CALCRL: variants seen among roughly 807,000 people sequenced by gnomAD.
CALCRL encodes the protein calcitonin receptor like receptor, also known as calcitonin gene-related peptide type 1 receptor.
A neutral mutation model predicts 60.4 loss-of-function variants in CALCRL; 27 were observed. The ratio of observed to expected loss-of-function variants is 0.45; its 90% CI spans 0.33 to 0.62. CALCRL has a LOEUF of 0.62. Ranked by LOEUF, CALCRL falls within the 20% of genes least tolerant of loss-of-function variation. The pLI is 0.03. For missense variants in CALCRL, 424 were observed against 540.7 expected (o/e 0.78, Z 2.14); for synonymous variants, 190 against 182.6 (o/e 1.04, Z -0.33).
intron 1 of CALCRL, among the ~76,000 whole-genome samples, chr2:187,410,595 C>T (rs1417678365): frequency 1.3e-5 from 2 of 152,188 alleles, no homozygotes; most frequent in Non-Finnish European, 2.9e-5. Context: ...CTGTTTTAGA[C>T]AGTGGAGGAA....
At chr2:187,407,917 A>G (rs1689203561) in intron 1 of CALCRL, among the ~76,000 whole-genome samples, 1 of 152,120 alleles carries the variant, frequency 6.6e-6, no homozygotes, top group South Asian at 2.1e-4. Context: ...TGGTGCATTA[A>G]GCTTTGCTAA....
At chr2:187,440,087 A>G (rs944014484) in intron 1 of CALCRL, among the ~76,000 whole-genome samples, 2 of 152,134 alleles carry the variant, frequency 1.3e-5, no homozygotes, top group Non-Finnish European at 2.9e-5. Flanking sequence ...ATAAAATTAT[A>G]TGATGCACAA....
At chr2:187,437,458 A>G (rs1000769258) in intron 1 of CALCRL, among the ~76,000 whole-genome samples, 3 of 152,114 alleles carry the variant, frequency 2.0e-5, no homozygotes, top group African/African-American at 4.8e-5. Flanking sequence ...ATTTATGTAA[A>G]GTTTATCTTA....
At chr2:187,427,696 A>C (rs965061040) in intron 1 of CALCRL, among the ~76,000 whole-genome samples, 1 of 152,158 alleles carries the variant, frequency 6.6e-6, no homozygotes, top group Non-Finnish European at 1.5e-5. Context: ...AAATGTTATC[A>C]GGTGCTCAAA....
At chr2:187,413,365 A>T (rs561665746) in intron 1 of CALCRL, among the ~76,000 whole-genome samples, 2 of 152,318 alleles carry the variant, frequency 1.3e-5, no homozygotes, top group Admixed American at 1.3e-4. Flanking sequence ...TGTGATAATT[A>T]TCAGCTGTTA....
intron 1 of CALCRL, among the ~76,000 whole-genome samples, chr2:187,439,751 T>C (rs1204333676): frequency 2.6e-5 from 4 of 152,170 alleles, no homozygotes; most frequent in Admixed American, 2.0e-4. Flanking sequence ...TTTATGCTAG[T>C]TGAAAGAAAC....
At chr2:187,391,596 C>CT (rs1688449249) in intron 1 of CALCRL, among the ~76,000 whole-genome samples, 1 of 152,088 alleles carries the variant, frequency 6.6e-6, no homozygotes, top group African/African-American at 2.4e-5. Flanking sequence ...TCTTCAAGAG[C>CT]TGCTAGTCTC....
At chr2:187,386,205 T>C (rs1688201117) in intron 3 of CALCRL, among the ~76,000 whole-genome samples, 2 of 152,100 alleles carry the variant, frequency 1.3e-5, no homozygotes, top group Non-Finnish European at 2.9e-5. Context: ...GATCAAATTA[T>C]AAAGGTATTA....
intron 1 of CALCRL, among the ~76,000 whole-genome samples, chr2:187,390,646 A>C (rs1263521769): frequency 6.6e-6 from 1 of 152,192 alleles, no homozygotes; most frequent in Non-Finnish European, 1.5e-5. Context: ...AAAAGTATTC[A>C]ACTCACAAAA....
intron 1 of CALCRL, among the ~76,000 whole-genome samples, chr2:187,413,395 G>A (rs1389982024): frequency 1.3e-5 from 2 of 151,982 alleles, no homozygotes; most frequent in African/African-American, 4.8e-5. Flanking sequence ...CCTTGTAAGT[G>A]AATCACTATT....
At position 187,342,284 on chromosome 2, in the gene CALCRL, T is replaced by G. The variant is rs1686120251; in HGVS notation, c.*3900A>C. ...AAGTGATGGCTAAAGGATACACTGT[T>G]TCTTCTCAAGGTCATAAAAATGTAA... On this transcript the variant is annotated 3_prime_UTR_variant, in exon 15 of 15. Transcript: ENST00000392370. 6.6e-6 allele frequency among the ~76,000 whole-genome samples: 1 copy of G among 151,764 alleles called. No homozygotes were observed. Among genetic ancestry groups the G allele is most frequent in the Non-Finnish European group, 1.5e-5 (1 of 67,738 alleles).
At chr2:187,437,226 A>G (rs1009105407) in intron 1 of CALCRL, among the ~76,000 whole-genome samples, 6 of 152,178 alleles carry the variant, frequency 3.9e-5, no homozygotes, top group Non-Finnish European at 8.8e-5. Context: ...GTTAAATTCA[A>G]TTTTAAAAAC....
Position 187,345,963 on chromosome 2 carries a change from T to C in CALCRL, c.*221A>G. On this transcript the variant is annotated 3_prime_UTR_variant, in exon 15 of 15. Coordinates refer to ENST00000392370, the MANE Select transcript of CALCRL (RefSeq NM_005795.6). ...GTTAGTAGCGTCACATCAGGCATAGTGGGAGTATTTACTGACAAACATTAC... is the reference window on the plus strand; with the variant it reads ...GTTAGTAGCGTCACATCAGGCATAGCGGGAGTATTTACTGACAAACATTAC... 2.4e-6 allele frequency: 1 copy of C among 421,126 alleles called. No individual in the cohort carries two copies. Among genetic ancestry groups the C allele is most frequent in the Non-Finnish European group, 4.2e-6 (1 of 236,370 alleles). The allele number at this position is 421,126 out of a possible 1,614,324, so 26.1% of individuals were successfully genotyped here. A position where few individuals can be genotyped will look rare whatever the true frequency, so the allele number is the denominator to read the frequency against.
At chr2:187,437,644 T>C (rs1164247470) in intron 1 of CALCRL, among the ~76,000 whole-genome samples, 3 of 152,186 alleles carry the variant, frequency 2.0e-5, no homozygotes, top group Non-Finnish European at 2.9e-5. Context: ...AATTGACTAA[T>C]TTTAAAAACA....
intron 1 of CALCRL, among the ~76,000 whole-genome samples, chr2:187,388,553 G>A (rs975281296): frequency 1.3e-5 from 2 of 151,884 alleles, no homozygotes; most frequent in African/African-American, 4.8e-5. Context: ...CTATATTGTG[G>A]AGCCCTGAAA....
chr2:187,420,218 G>A (rs1689808830), intron 1 of CALCRL, among the ~76,000 whole-genome samples: 1 of 152,086 alleles, frequency 6.6e-6, no homozygotes, highest in South Asian at 2.1e-4. Flanking sequence ...CTTTAAAAGA[G>A]AGGTTTCTGT....
rs1206830847 is a variant in CALCRL at position 187,351,012 on chromosome 2, G to A, written c.1170+908C>T. 2.3e-3 allele frequency among the ~76,000 whole-genome samples: 7 copies of A among 3,102 alleles called. 3 individuals are homozygous for A. The highest frequency in any genetic ancestry group is 3.8e-3 in the Non-Finnish European group (5 of 1,330). 2.0% of individuals were successfully genotyped at this position (3,102 alleles called of 152,430 possible). A position where few individuals can be genotyped will look rare whatever the true frequency, so the allele number is the denominator to read the frequency against. On this transcript the variant is annotated intron_variant, in intron 14 of 14. Transcript: ENST00000392370. The stretch of plus-strand genomic sequence containing the variant: ...TGCATAAGAAATATGTTGGCTGGGC[G>A]CGGTGGCTCACGCCTGTAATCCCAG...
At chr2:187,374,998 C>T (rs1277543304) in intron 8 of CALCRL, among the ~76,000 whole-genome samples, 1 of 152,062 alleles carries the variant, frequency 6.6e-6, no homozygotes, top group Admixed American at 6.6e-5. Flanking sequence ...GTTGGCCGGG[C>T]GCGGTGGCTC....
chr2:187,374,354 T>A (rs1000141803), intron 8 of CALCRL, among the ~76,000 whole-genome samples: 1 of 152,200 alleles, frequency 6.6e-6, no homozygotes, highest in Non-Finnish European at 1.5e-5. Context: ...AATTCTTCAT[T>A]TTTAAAGATT....
Sources: allele counts gnomAD v4.1 joint callset (sites outside exome capture counted in the v4.1 genomes callset), GRCh38; gene constraint gnomAD v4.1.1; transcripts MANE v1.5; gene names NCBI Gene and HGNC (gene_info 2026-07-23, HGNC 2026-07-21).